Variants in AMOTL2 observed in about 807,000 individuals in gnomAD.
The protein encoded by AMOTL2 is angiomotin like 2.
A neutral mutation model predicts 78.4 loss-of-function variants in AMOTL2; 33 were observed. The observed-to-expected ratio is 0.42, with a 90% CI of 0.32 to 0.56. The LOEUF is 0.56. AMOTL2 is among the 20% of genes least tolerant of loss of function. The pLI is 0.12. For synonymous variants in AMOTL2, 422 were observed against 428.8 expected (o/e 0.98, Z 0.20); for missense variants, 983 against 1,030.1 (o/e 0.95, Z 0.63).
intron 3 of AMOTL2, 74 bp from the exon 4 acceptor site, chr3:134,366,501 C>T: frequency 6.7e-7 from 1 of 1,489,662 alleles, no homozygotes; most frequent in Middle Eastern, 2.2e-4. Context: ...ACCCACTACT[C>T]TCCATCAGAA....
At chr3:134,369,087 A>G (rs966009827) in intron 2 of AMOTL2, among the ~76,000 whole-genome samples, 5 of 152,108 alleles carry the variant, frequency 3.3e-5, no homozygotes, top group African/African-American at 1.2e-4. Context: ...TCAGGACCCT[A>G]GGCTAGGAGT....
chr3:134,364,964 C>T (rs2017540208), intron 5 of AMOTL2, among the ~76,000 whole-genome samples: 1 of 152,076 alleles, frequency 6.6e-6, no homozygotes, highest in Non-Finnish European at 1.5e-5. Context: ...CCTTTGCCAC[C>T]CACCCCATGT....
upstream of AMOTL2, chr3:134,375,193 T>A: frequency 6.5e-7 from 1 of 1,535,666 alleles, no homozygotes; most frequent in East Asian, 2.4e-5. Flanking sequence ...CCTACCCAAC[T>A]GAATCACCCG....
Position 134,360,149 on chromosome 3 carries a change from C to T in AMOTL2, c.1840G>A (p.Gly614Ser). ...TGCCTGTGGCCACCAGTGAGCAGAC[C>T]CTCATTGAAGCTGCTGCTGGGTGAG... ...QPSPSSSFNE[G>S]LLTGGHRHQE... Residue 614 changes from glycine to serine, a missense_variant, in exon 7 of 10, where the codon GGT becomes AGT. Transcript: ENST00000249883. The T allele has an allele frequency of 6.2e-7, 1 of 1,613,570 alleles. No individual in the cohort carries two copies. The highest frequency in any genetic ancestry group is 8.5e-7 in the Non-Finnish European group (1 of 1,179,624).
Position 134,361,792 on chromosome 3 carries a change from T to A in AMOTL2, c.1295A>T (p.Gln432Leu), listed in dbSNP as rs746862255. The A allele has an allele frequency of 1.9e-6, 3 of 1,561,550 alleles. No individual in the cohort carries two copies. The highest frequency in any genetic ancestry group is 2.6e-6 in the Non-Finnish European group (3 of 1,149,574). ...KLLAQSYEQQ[Q>L]EQEKLEREMA... ...CTCTCGCTCCAGCTTCTCTTGCTCC[T>A]GCTGCTGTTCGTAGCCTGTAGGGAG... is the stretch of plus-strand genomic sequence containing the variant. The change falls in exon 6 of 10, where the codon CAG becomes CTG. Residue 432 changes from glutamine (Q) to leucine (L), a missense_variant. By Grantham distance (113) the Gln-to-Leu change is moderately radical. Transcript: ENST00000249883.
At chr3:134,358,486 C>T in intron 9 of AMOTL2, 54 bp downstream of exon 9, 2 of 1,563,866 alleles carry the variant, frequency 1.3e-6, no homozygotes, top group South Asian at 1.2e-5. Context: ...CCAGTTCACA[C>T]CCCAGTGCCC....
chr3:134,357,968 T>C (rs2017146209), intron 9 of AMOTL2, among the ~76,000 whole-genome samples: 1 of 152,232 alleles, frequency 6.6e-6, no homozygotes, highest in South Asian at 2.1e-4. Context: ...ATGTGTAGGA[T>C]GCATTTGTTT....
intron 6 of AMOTL2, 94 bp from the exon 7 acceptor site, chr3:134,360,507 G>T: frequency 9.1e-7 from 1 of 1,095,102 alleles, no homozygotes; most frequent in Non-Finnish European, 1.3e-6. Flanking sequence ...ACTTGTACAT[G>T]TACGTGTTCA....
chr3:134,363,718 T>C (rs535992451), intron 5 of AMOTL2, among the ~76,000 whole-genome samples: 1 of 152,258 alleles, frequency 6.6e-6, no homozygotes, highest in African/African-American at 2.4e-5. Context: ...GGCCACACTT[T>C]CCTAGTGTTG....
At chr3:134,372,095 C>G (rs557821454) in intron 1 of AMOTL2, among the ~76,000 whole-genome samples, 1 of 152,272 alleles carries the variant, frequency 6.6e-6, no homozygotes, top group South Asian at 2.1e-4. Flanking sequence ...CAGAGTCCAG[C>G]CTTGGTACAG....
At chr3:134,364,110 GCGAGCCCCCACCT>G (rs1383363915) in intron 5 of AMOTL2, among the ~76,000 whole-genome samples, 1 of 152,148 alleles carries the variant, frequency 6.6e-6, no homozygotes, top group Non-Finnish European at 1.5e-5. Context: ...TGGGCAGCGA[GCGAGCCCCCACCT>G]CCACGTTCCA....
chr3:134,358,445 G>A, intron 9 of AMOTL2, 95 bp downstream of exon 9: 1 of 1,439,692 alleles, frequency 6.9e-7, no homozygotes, highest in Non-Finnish European at 9.3e-7. Context: ...CAATGACCCG[G>A]AGGGGGTCTG....
intron 3 of AMOTL2, 110 bp downstream of exon 3, chr3:134,367,387 C>T: frequency 7.6e-7 from 1 of 1,309,718 alleles, no homozygotes; most frequent in Non-Finnish European, 1.1e-6. Flanking sequence ...GGGAGAAATC[C>T]AGCCAAACAG....
chr3:134,371,612 G>A (rs1401878331), intron 1 of AMOTL2, 118 bp from the exon 2 acceptor site: 2 of 1,427,124 alleles, frequency 1.4e-6, no homozygotes, highest in Non-Finnish European at 1.8e-6. Context: ...GTGAAGAGCA[G>A]GGGTGGGGCG....
chr3:134,366,586 A>G (rs2017614908), intron 3 of AMOTL2, 159 bp from the exon 4 acceptor site: 1 of 687,222 alleles, frequency 1.5e-6, no homozygotes, highest in Non-Finnish European at 2.4e-6. Flanking sequence ...AGAAGCTTGT[A>G]GCCTCCGGAA....
At chr3:134,370,568 T>G in intron 2 of AMOTL2, 132 bp downstream of exon 2, 1 of 1,200,062 alleles carries the variant, frequency 8.3e-7, no homozygotes, top group Non-Finnish European at 1.1e-6. Flanking sequence ...GCATTAGCTC[T>G]CCCTTCTCAG....
At chr3:134,365,042 C>T (rs1288050150) in intron 5 of AMOTL2, among the ~76,000 whole-genome samples, 2 of 152,112 alleles carry the variant, frequency 1.3e-5, no homozygotes, top group South Asian at 4.1e-4. Flanking sequence ...CCCCACAGAG[C>T]CCCTCTCTCA....
upstream of AMOTL2, chr3:134,375,243 T>C (rs758260889): frequency 7.2e-6 from 11 of 1,535,690 alleles, no homozygotes; most frequent in South Asian, 1.2e-4. Flanking sequence ...AAGGTGATAA[T>C]AGGCGCCCCT....
intron 9 of AMOTL2, 110 bp downstream of exon 9, chr3:134,358,430 G>A (rs1185520305): frequency 2.3e-6 from 3 of 1,311,066 alleles, no homozygotes; most frequent in Admixed American, 2.6e-5. Context: ...CCCATGGAGT[G>A]CGGGCAATGA....
Sources: gnomAD v4.1 joint callset for allele counts (sites outside exome capture counted in the v4.1 genomes callset) on GRCh38, gnomAD v4.1.1 for gene constraint, MANE v1.5 for transcripts, NCBI Gene and HGNC (gene_info 2026-07-23, HGNC 2026-07-21) for gene names.